CDYL2: variants seen among roughly 807,000 people sequenced by gnomAD.
CDYL2 encodes chromodomain Y like 2, also known as chromodomain Y-like protein 2.
A neutral mutation model predicts 49.4 loss-of-function variants in CDYL2; 23 were observed. The ratio of observed to expected loss-of-function variants is 0.47; its 90% confidence interval spans 0.34 to 0.66. The LOEUF is 0.66. CDYL2 is among the 30% of genes least tolerant of loss of function. The probability of loss-of-function intolerance (pLI) is 0.01; values close to 1 mark genes in which losing one functional copy is unlikely to be tolerated. For missense variants in CDYL2, 678 were observed against 656.4 expected (o/e 1.03, Z -0.36); for synonymous variants, 360 against 268.8 (o/e 1.34, Z -3.32).
At chr16:80,689,214 A>G (rs941279163) in intron 1 of CDYL2, among the ~76,000 whole-genome samples, 7 of 152,186 alleles carry the variant, frequency 4.6e-5, no homozygotes, top group Non-Finnish European at 1.0e-4. Flanking sequence ...TTTACTCTCC[A>G]TGATCCCAGC....
chr16:80,602,280 G>A lies in CDYL2; in HGVS notation c.*2108C>T, dbSNP rs1597115770. 3.3e-5 allele frequency: 5 copies of A among 152,322 alleles called. No individual in the cohort carries two copies. The South Asian group carries it at 1.0e-3, about 32-fold the overall frequency. The allele number at this position is 152,322 out of a possible 1,614,324, so 9.4% of individuals were successfully genotyped here. ...TAACTCCCTGTAGGACAGGTCCGAA[G>A]TCCTTACAGGATCCTACATGGACAA... On this transcript the variant is annotated 3_prime_UTR_variant, in exon 7 of 7. Transcript: ENST00000570137.
intron 1 of CDYL2, among the ~76,000 whole-genome samples, chr16:80,739,010 TC>T (rs138240817): frequency 0.017 from 2,594 of 152,324 alleles, 22 homozygotes; most frequent in African/African-American, 0.029. Flanking sequence ...AACCCGATTT[TC>T]CATCAATGGA....
intron 3 of CDYL2, among the ~76,000 whole-genome samples, chr16:80,622,489 T>C (rs1907125919): frequency 6.6e-6 from 1 of 152,188 alleles, no homozygotes; most frequent in Admixed American, 6.5e-5. Flanking sequence ...TACTTGTTTG[T>C]TTCCTGCCTT....
intron 1 of CDYL2, among the ~76,000 whole-genome samples, chr16:80,745,354 G>A (rs941284296): frequency 6.6e-6 from 1 of 152,138 alleles, no homozygotes; most frequent in Non-Finnish European, 1.5e-5. Flanking sequence ...GCAAACAGGA[G>A]CCAAAAGAAA....
chr16:80,696,719 TA>T (rs1220465295), intron 1 of CDYL2, among the ~76,000 whole-genome samples: 125 of 140,656 alleles, frequency 8.9e-4, no homozygotes, highest in Admixed American at 1.1e-3. Flanking sequence ...GGAAGAGTAA[TA>T]AAAAAAAAAA....
rs1910060468 is a variant in CDYL2, at chr16:80,683,714, A to G, written c.616+824T>C. 2.0e-5 allele frequency among the ~76,000 whole-genome samples: 3 copies of G among 152,256 alleles called. No homozygotes were observed. In the South Asian group the frequency reaches 6.2e-4, roughly 32 times the overall value. On this transcript the variant is annotated intron_variant, in intron 2 of 6. Coordinates refer to ENST00000570137, the MANE Select transcript of CDYL2 (RefSeq NM_152342.4). ...GGCCTTTAGGAGGTAATTAAGTCATAAGAGCTCCATCCTTGTGGATGGGAT... is the reference window on the plus strand; with the variant it reads ...GGCCTTTAGGAGGTAATTAAGTCATGAGAGCTCCATCCTTGTGGATGGGAT...
chr16:80,654,181 G>A (rs575215556), intron 2 of CDYL2, among the ~76,000 whole-genome samples: 10 of 152,258 alleles, frequency 6.6e-5, no homozygotes, highest in Admixed American at 3.3e-4. Flanking sequence ...GCGCTCTGCC[G>A]GGCTGGGTTG....
chr16:80,610,262 G>A (rs1042929807), intron 5 of CDYL2, among the ~76,000 whole-genome samples: 1 of 152,192 alleles, frequency 6.6e-6, no homozygotes, highest in African/African-American at 2.4e-5. Flanking sequence ...AGACGAGGAA[G>A]AAATCCAGTG....
intron 1 of CDYL2, among the ~76,000 whole-genome samples, chr16:80,710,361 T>A (rs143157671): frequency 3.9e-4 from 60 of 152,336 alleles, no homozygotes; most frequent in African/African-American, 1.4e-3. Flanking sequence ...AGCAGTCACA[T>A]AACAATATTT....
intron 1 of CDYL2, among the ~76,000 whole-genome samples, chr16:80,796,038 A>G (rs1907760419): frequency 6.6e-6 from 1 of 152,264 alleles, no homozygotes; most frequent in Non-Finnish European, 1.5e-5. Context: ...CAACCAGAGA[A>G]GCAGAATCAC....
At position 80,723,203 on chromosome 16, in the gene CDYL2, A is replaced by C. The variant is rs146354657; in HGVS notation, c.25-38074T>G. Among the ~76,000 whole-genome samples the C allele has an allele frequency of 4.9e-3, 741 of 152,330 alleles. 7 individuals carry two copies. The highest frequency in any genetic ancestry group is 0.017 in the African/African-American group (712 of 41,576). On this transcript the variant is annotated intron_variant, in intron 1 of 6. Transcript: ENST00000570137. ...AGAGGAAAAGCCGCCCCAAGAAGCC[A>C]TCTCAAGGCATCTCCTCTCGGAGCT...
intron 3 of CDYL2, among the ~76,000 whole-genome samples, chr16:80,625,279 G>A (rs886320674): frequency 2.6e-5 from 4 of 152,120 alleles, no homozygotes; most frequent in Admixed American, 2.6e-4. Context: ...ACATTCCTTG[G>A]TTCCTGGCCC....
intron 1 of CDYL2, among the ~76,000 whole-genome samples, chr16:80,760,666 T>C (rs1362458749): frequency 6.6e-6 from 1 of 152,042 alleles, no homozygotes; most frequent in Non-Finnish European, 1.5e-5. Context: ...GTCAAAATCA[T>C]TGTATTCCTT....
intron 1 of CDYL2, among the ~76,000 whole-genome samples, chr16:80,741,734 G>C (rs1288161379): frequency 6.6e-6 from 1 of 152,122 alleles, no homozygotes; most frequent in Non-Finnish European, 1.5e-5. Context: ...TGAAAAAAAT[G>C]AATTGGCAAT....
chr16:80,719,106 T>TACTGAACA (rs1457770548), intron 1 of CDYL2, among the ~76,000 whole-genome samples: 1 of 152,192 alleles, frequency 6.6e-6, no homozygotes, highest in Non-Finnish European at 1.5e-5. Context: ...CTTCAGCAAG[T>TACTGAACA]ACTGAACACC....
intron 4 of CDYL2, among the ~76,000 whole-genome samples, chr16:80,614,750 G>A (rs1906750883): frequency 6.6e-6 from 1 of 151,824 alleles, no homozygotes; most frequent in Non-Finnish European, 1.5e-5. Flanking sequence ...TGTAGTCCCA[G>A]CTACTTGGGA....
At chr16:80,786,750 A>C (rs58158801) in intron 1 of CDYL2, among the ~76,000 whole-genome samples, 9 of 152,306 alleles carry the variant, frequency 5.9e-5, no homozygotes, top group Admixed American at 3.3e-4. Flanking sequence ...ATAAAAAAGG[A>C]TGAGTTCATG....
chr16:80,668,713 A>G (rs1372730624), intron 2 of CDYL2, among the ~76,000 whole-genome samples: 1 of 152,030 alleles, frequency 6.6e-6, no homozygotes, highest in Non-Finnish European at 1.5e-5. Context: ...AGCCTGGCCA[A>G]CATGGCAAAA....
intron 1 of CDYL2, chr16:80,738,759 T>C (rs980768966): frequency 6.6e-6 from 1 of 152,274 alleles, no homozygotes; most frequent in African/African-American, 2.4e-5. Context: ...GTGAGTCATA[T>C]GGTATGTGAA....
Sources: allele counts gnomAD v4.1 joint callset (sites outside exome capture counted in the v4.1 genomes callset), GRCh38; gene constraint gnomAD v4.1.1; transcripts MANE v1.5; gene names NCBI Gene and HGNC (gene_info 2026-07-23, HGNC 2026-07-21).